CALN1: variants seen among roughly 807,000 people sequenced by gnomAD.
CALN1 encodes the protein calcium-binding protein 8.
CALN1 carries 17 observed loss-of-function variants against 30.6 expected under a neutral mutation model. The observed-to-expected ratio is 0.56, with a 90% CI of 0.38 to 0.83. The LOEUF is 0.83. CALN1 is among the 40% of genes least tolerant of loss of function. The pLI is 0.00. For synonymous variants in CALN1, 156 were observed against 131.4 expected (o/e 1.19, Z -1.28); for missense variants, 291 against 354.9 (o/e 0.82, Z 1.45).
At chr7:71,928,580 A>G (rs1294785420) in intron 5 of CALN1, among the ~76,000 whole-genome samples, 1 of 152,202 alleles carries the variant, frequency 6.6e-6, no homozygotes, top group Non-Finnish European at 1.5e-5. Context: ...TTTAATGTCA[A>G]AAAATGCAAT....
Position 72,163,935 on chromosome 7 carries a change from CAAAAAGAAAGA to C in CALN1, c.245-57652_245-57642del, listed in dbSNP as rs543887002. On this transcript the variant is annotated intron_variant, in intron 3 of 6. Transcript: ENST00000395275. ...CAGACTACCACAAACAAGATAAAGGCAAAAAGAAAGAAGAAAGAAAGAAAAAATGTAAAGAA... is the reference window on the plus strand; with the variant it reads ...CAGACTACCACAAACAAGATAAAGGCAGAAAGAAAGAAAAAATGTAAAGAA... 6.0e-5 allele frequency among the ~76,000 whole-genome samples: 9 copies of C among 149,998 alleles called. No individual in the cohort carries two copies. In the East Asian group the frequency reaches 1.4e-3, roughly 23 times the overall value.
chr7:72,200,689 ACAAAGAAAACAC>A (rs1791359012), intron 3 of CALN1, among the ~76,000 whole-genome samples: 1 of 152,150 alleles, frequency 6.6e-6, no homozygotes, highest in Non-Finnish European at 1.5e-5. Flanking sequence ...ACACATGGAG[ACAAAGAAAACAC>A]CAACCCTGGC....
intron 5 of CALN1, among the ~76,000 whole-genome samples, chr7:71,813,501 C>G (rs1210755153): frequency 6.6e-6 from 1 of 152,130 alleles, no homozygotes; most frequent in Non-Finnish European, 1.5e-5. Context: ...AGGTATGTCT[C>G]AAAAATAATT....
chr7:72,396,541 G>C (rs1287335959), intron 2 of CALN1, among the ~76,000 whole-genome samples: 1 of 152,122 alleles, frequency 6.6e-6, no homozygotes, highest in Non-Finnish European at 1.5e-5. Context: ...ATGGAATAAG[G>C]TCTCTAAAGA....
Position 72,372,847 on chromosome 7 carries a change from C to G in CALN1, c.119+30404G>C, listed in dbSNP as rs112483580. Among the ~76,000 whole-genome samples, 713 of 152,252 alleles carry G rather than the reference C, an allele frequency of 4.7e-3. 5 individuals are homozygous for G. The highest frequency in any genetic ancestry group is 0.017 in the Middle Eastern group (5 of 294). On this transcript the variant is annotated intron_variant, in intron 2 of 6. Transcript: ENST00000395275. ...AATACTCAAAATGTCAAGGATACAA[C>G]TCTAAATTCCCAAAATACAATGAAC...
At position 71,783,926 on chromosome 7, in the gene CALN1, C is replaced by T. The variant is rs1792852388; in HGVS notation, c.*3849G>A. 1 of 152,256 alleles carries T rather than the reference C, an allele frequency of 6.6e-6. No individual in the cohort carries two copies. The highest frequency in any genetic ancestry group is 1.5e-5 in the Non-Finnish European group (1 of 68,042). 9.4% of individuals were successfully genotyped at this position (152,256 alleles called of 1,614,324 possible). On this transcript the variant is annotated 3_prime_UTR_variant, in exon 7 of 7. Coordinates refer to ENST00000395275, the MANE Select transcript of CALN1 (RefSeq NM_031468.4). Reference sequence around the variant, plus strand: ...ATTGAGAAAGAAGACTCATAAGACACATCTTGTTCTCTGCAAATAAAACAC... The same window carrying T: ...ATTGAGAAAGAAGACTCATAAGACATATCTTGTTCTCTGCAAATAAAACAC...
chr7:72,231,713 A>G (rs527296428), intron 3 of CALN1, among the ~76,000 whole-genome samples: 1 of 152,180 alleles, frequency 6.6e-6, no homozygotes, highest in Non-Finnish European at 1.5e-5. Flanking sequence ...AAGATGTACT[A>G]GGTACAGAGC....
chr7:72,041,738 C>A (rs1802141881), intron 4 of CALN1, among the ~76,000 whole-genome samples: 1 of 152,026 alleles, frequency 6.6e-6, no homozygotes. Context: ...TGGGAGGGAC[C>A]CAGTGGGAGG....
chr7:72,098,528 A>G (rs1806396801), intron 4 of CALN1, among the ~76,000 whole-genome samples: 1 of 151,928 alleles, frequency 6.6e-6, no homozygotes, highest in Admixed American at 6.6e-5. Context: ...ATAGAGTGAG[A>G]CTTCATCTCT....
At chr7:72,250,831 A>G (rs894239871) in intron 3 of CALN1, among the ~76,000 whole-genome samples, 14 of 152,188 alleles carry the variant, frequency 9.2e-5, no homozygotes, top group Non-Finnish European at 2.1e-4. Flanking sequence ...TATAGCCTGC[A>G]GAACCATGAG....
At chr7:72,401,100 T>C (rs10225544) in intron 2 of CALN1, among the ~76,000 whole-genome samples, 77,539 of 151,572 alleles carry the variant, frequency 0.51, 20,089 homozygotes, top group East Asian at 0.72. Context: ...CTTCTCTCAA[T>C]GTACCTGGAA....
the CALN1 span, among the ~76,000 whole-genome samples, chr7:72,460,922 C>T: frequency 6.6e-6 from 1 of 152,152 alleles, no homozygotes; most frequent in African/African-American, 2.4e-5. Flanking sequence ...AGTCTGGGTT[C>T]AGCTCCATGG....
At chr7:72,224,709 A>G (rs1793544904) in intron 3 of CALN1, among the ~76,000 whole-genome samples, 1 of 151,822 alleles carries the variant, frequency 6.6e-6, no homozygotes, top group Non-Finnish European at 1.5e-5. Flanking sequence ...TGAACCCCGG[A>G]GGCAGAGGTT....
chr7:72,487,947 AAGGAAGGAAAGGAAGGAAGG>A, the CALN1 span, among the ~76,000 whole-genome samples: 1 of 63,376 alleles, frequency 1.6e-5, no homozygotes, highest in East Asian at 4.5e-4. Flanking sequence ...GGAAGGAAGG[AAGGAAGGAAAGGAAGGAAGG>A]AAGGAAGGAA....
At chr7:72,096,005 T>G (rs528169735) in intron 4 of CALN1, among the ~76,000 whole-genome samples, 13 of 151,912 alleles carry the variant, frequency 8.6e-5, no homozygotes, top group African/African-American at 2.9e-4. Context: ...CACCACTGCA[T>G]TCCAGCCTGG....
chr7:72,004,646 A>G (rs1799679843), intron 5 of CALN1, among the ~76,000 whole-genome samples: 1 of 152,196 alleles, frequency 6.6e-6, no homozygotes, highest in Non-Finnish European at 1.5e-5. Flanking sequence ...CTGACCAAGG[A>G]GTAGTATACA....
chr7:72,068,812 T>C (rs1454778939), intron 4 of CALN1, among the ~76,000 whole-genome samples: 1 of 152,096 alleles, frequency 6.6e-6, no homozygotes, highest in Non-Finnish European at 1.5e-5. Context: ...TGCATATTTT[T>C]TGTTGGATTA....
chr7:72,330,186 C>T (rs748755282), intron 2 of CALN1, among the ~76,000 whole-genome samples: 5 of 150,724 alleles, frequency 3.3e-5, no homozygotes, highest in African/African-American at 9.8e-5. Context: ...CCAGCTACTC[C>T]GGATGCTGAG....
chr7:72,404,400 T>C (rs7778060), intron 1 of CALN1, among the ~76,000 whole-genome samples: 4,517 of 152,252 alleles, frequency 0.03, 217 homozygotes, highest in African/African-American at 0.1. Flanking sequence ...TTTGGTTTCA[T>C]TGAAGGTAAA....
Sources: gnomAD v4.1 joint callset for allele counts (sites outside exome capture counted in the v4.1 genomes callset) on GRCh38, gnomAD v4.1.1 for gene constraint, MANE v1.5 for transcripts, NCBI Gene and HGNC (gene_info 2026-07-23, HGNC 2026-07-21) for gene names.